Variants in KRT84 observed in about 807,000 individuals in gnomAD.
The protein encoded by KRT84 is keratin 84, also known as keratin, type II cuticular Hb4.
KRT84 carries 38 observed loss-of-function variants against 49.0 expected under a neutral mutation model. The ratio of observed to expected loss-of-function variants is 0.78; its 90% CI spans 0.60 to 1.02. The LOEUF (loss-of-function observed/expected upper bound fraction) is 1.02, where lower values mean the gene tolerates loss of function less well. KRT84 is among the 50% of genes least tolerant of loss of function. The probability of loss-of-function intolerance (pLI) is 0.00; values close to 1 mark genes in which losing one functional copy is unlikely to be tolerated. For synonymous variants in KRT84, 334 were observed against 312.8 expected, an observed-to-expected ratio of 1.07 and a Z score of -0.72; for missense variants, 860 against 788.6, an observed-to-expected ratio of 1.09 and a Z score of -1.08.
At chr12:52,383,528 G>C in intron 2 of KRT84, 62 bp downstream of exon 2, 1 of 1,434,534 alleles carries the variant, frequency 7.0e-7, no homozygotes, top group Non-Finnish European at 9.7e-7. Context: ...TCTGAGCTTG[G>C]CAGCTAATTC....
At chr12:52,386,350 GAC>G (rs1939573529), upstream of KRT84, among the ~76,000 whole-genome samples, 1 of 151,440 alleles carries the variant, frequency 6.6e-6, no homozygotes, top group African/African-American at 2.4e-5. Flanking sequence ...AGATTACAAA[GAC>G]AGTCTCTATC....
intron 7 of KRT84, 114 bp from the exon 8 acceptor site, chr12:52,380,021 C>T: frequency 1.1e-6 from 1 of 893,914 alleles, no homozygotes; most frequent in Non-Finnish European, 1.8e-6. Context: ...AGTTCTCACC[C>T]CTGGTTATAC....
chr12:52,379,757 C>G, intron 8 of KRT84, 119 bp downstream of exon 8: 2 of 799,842 alleles, frequency 2.5e-6, no homozygotes, highest in Non-Finnish European at 4.4e-6. Context: ...TCCCAGCTCC[C>G]CTGACTGTCG....
intron 1 of KRT84, among the ~76,000 whole-genome samples, chr12:52,384,320 G>A (rs1939537874): frequency 6.6e-6 from 1 of 152,198 alleles, no homozygotes; most frequent in Non-Finnish European, 1.5e-5. Flanking sequence ...TTTTAGAGAG[G>A]AAGAACCCAA....
upstream of KRT84, among the ~76,000 whole-genome samples, chr12:52,386,507 C>T (rs900615080): frequency 6.6e-6 from 1 of 151,650 alleles, no homozygotes; most frequent in Non-Finnish European, 1.5e-5. Flanking sequence ...CAGGCATCCA[C>T]CACCATGCCC....
rs2245203 is a variant in KRT84, at chr12:52,383,729, T to C, written c.616A>G (p.Ile206Val). 367,054 of 1,606,150 alleles carry C rather than the reference T, an allele frequency of 0.23. 48,370 individuals carry two copies. Among genetic ancestry groups the C allele is most frequent in the African/African-American group, 0.57 (42,577 of 74,510 alleles). ...AAGAGTGGCTCCAGATTGCTCCTGA[T>C]ACATTTCTGCTCTTGGAGGAAGCTC... The part of the protein sequence containing the change: ...KWSFLQEQKC[I>V]RSNLEPLFES... Residue 206 changes from isoleucine to valine, a missense_variant, in exon 2 of 9, where the codon ATC becomes GTC. Physicochemically the swap from Ile to Val is conservative, Grantham distance 29. Coordinates refer to ENST00000257951, the MANE Select transcript of KRT84 (RefSeq NM_033045.4).
Position 52,385,100 on chromosome 12 carries a change from C to T in KRT84, c.486G>A (p.Lys162=), listed in dbSNP as rs764814973. Reference sequence around the variant, plus strand: ...TCTTGATTTGCTCCTTCTCATCCTTCTTCACCCTCTGGGCATTGGGGTCAA... The same window carrying T: ...TCTTGATTTGCTCCTTCTCATCCTTTTTCACCCTCTGGGCATTGGGGTCAA... The part of the protein sequence containing the change: ...LEIDPNAQRV[K]KDEKEQIKTL... The change falls in exon 1 of 9, where the codon AAG becomes AAA. Residue 162 remains lysine (K), a synonymous_variant. Coordinates refer to ENST00000257951, the MANE Select transcript of KRT84 (RefSeq NM_033045.4). The T allele has an allele frequency of 6.2e-7, 1 of 1,603,814 alleles. No individual in the cohort carries two copies.
In KRT84 at chr12:52,380,586, G is replaced by A. The variant is rs1791657; in HGVS notation, c.1204-3C>T. 0.23 allele frequency: 369,080 copies of A among 1,602,512 alleles called. 48,112 individuals are homozygous for A. Among genetic ancestry groups the A allele is most frequent in the African/African-American group, 0.57 (42,762 of 74,846 alleles). ...ACTGCAGCCTCCAACTTGGCACGCTGCAGGGAAGGCAGTTTGCAGGTAGGC... is the reference window on the plus strand; with the variant it reads ...ACTGCAGCCTCCAACTTGGCACGCTACAGGGAAGGCAGTTTGCAGGTAGGC... On this transcript the variant is annotated splice_polypyrimidine_tract_variant and splice_region_variant and intron_variant, in intron 6 of 8. Coordinates refer to ENST00000257951, the MANE Select transcript of KRT84 (RefSeq NM_033045.4).
intron 8 of KRT84, among the ~76,000 whole-genome samples, 153 bp downstream of exon 8, chr12:52,379,723 T>G (rs1939446641): frequency 6.6e-6 from 1 of 152,176 alleles, no homozygotes; most frequent in Non-Finnish European, 1.5e-5. Flanking sequence ...GCTAAGAAGA[T>G]GCTCCCCATC....
Position 52,383,745 on chromosome 12 carries a change from G to C in KRT84, c.600C>G (p.Leu200=), listed in dbSNP as rs1461753746. ...NKLLETKWSF[L]QEQKCIRSNL... is the part of the protein sequence containing the mutation. ...TGCTCCTGATACATTTCTGCTCTTG[G>C]AGGAAGCTCCACTTGGTCTCTAGGA... The change falls in exon 2 of 9, where the codon CTC becomes CTG. Residue 200 remains leucine, a synonymous_variant. Transcript: ENST00000257951. 5 of 1,613,808 alleles carry C rather than the reference G, an allele frequency of 3.1e-6. No individual in the cohort carries two copies. The highest frequency in any genetic ancestry group is 4.2e-6 in the Non-Finnish European group (5 of 1,179,876).
At position 52,378,257 on chromosome 12, in the gene KRT84, A is replaced by G; in HGVS notation, c.1580T>C (p.Leu527Pro). ...ACCCAGGCTGGGGCCACAGGAAGCC[A>G]GGACCCCACTGGTGGCACAGACGCT... ...SSSVCATSGV[L>P]ASCGPSLGGA... The change falls in exon 9 of 9, where the codon CTG (leucine) becomes CCG (proline). Residue 527 changes from leucine (L) to proline (P), a missense_variant. Transcript: ENST00000257951. The G allele has an allele frequency of 6.4e-7, 1 of 1,558,312 alleles. No individual in the cohort carries two copies. Among genetic ancestry groups the G allele is most frequent in the Admixed American group, 1.9e-5 (1 of 52,810 alleles).
In KRT84 at chr12:52,381,181, C is replaced by T. The variant is rs34137381; in HGVS notation, c.1102G>A (p.Gly368Ser). The T allele has an allele frequency of 2.2e-5, 36 of 1,614,044 alleles. No homozygotes were observed. The African/African-American group carries it at 3.7e-4, about 17-fold the overall frequency. ...TKYEEMQVTA[G>S]QHCDNLRNIR... ...TTGCGCAGGTTGTCACAGTGTTGGC[C>T]AGCTGTCACCTGCATCTCTTCATAC... Residue 368 changes from glycine (G) to serine (S), a missense_variant, in exon 6 of 9, where the codon GGC (glycine) becomes AGC (serine). Coordinates refer to ENST00000257951, the MANE Select transcript of KRT84 (RefSeq NM_033045.4).
upstream of KRT84, chr12:52,385,663 G>A: frequency 1.4e-6 from 2 of 1,385,270 alleles, no homozygotes; most frequent in Non-Finnish European, 2.0e-6. Context: ...GAGGCCAGTG[G>A]AACCCTTGCA....
Position 52,378,379 on chromosome 12 carries a change from G to GGGAATGTGCTGGTGCATTGATGCTGGA in KRT84, c.1457_1458insTCCAGCATCAATGCACCAGCACATTCC (p.Ser486_Val487insProAlaSerMetHisGlnHisIlePro). On this transcript the variant is annotated inframe_insertion and splice_region_variant, in exon 9 of 9. Transcript: ENST00000257951. ...CCAGGCCGCCCCGGGAGCTGCTGAC[G>GGGAATGTGCTGGTGCATTGATGCTGGA]GCTGCGGAGAAAGAAAGCATCAGGG... The GGGAATGTGCTGGTGCATTGATGCTGGA allele has an allele frequency of 6.9e-7, 1 of 1,455,614 alleles. No homozygotes were observed. Among genetic ancestry groups the GGGAATGTGCTGGTGCATTGATGCTGGA allele is most frequent in the South Asian group, 1.4e-5 (1 of 71,928 alleles). The allele number at this position is 1,455,614 out of a possible 1,614,324, so 90.2% of individuals were successfully genotyped here.
At chr12:52,379,323 G>C (rs988360410) in intron 8 of KRT84, among the ~76,000 whole-genome samples, 1 of 152,238 alleles carries the variant, frequency 6.6e-6, no homozygotes, top group Admixed American at 6.5e-5. Context: ...TCCTTCCAGT[G>C]TTAGGTTGAT....
At position 52,382,482 on chromosome 12, in the gene KRT84, A is replaced by G. The variant is rs1198906895; in HGVS notation, c.867T>C (p.Asp289=). ...GAAAGTCAATTTCCTGAGTTAGGGTATCCACGTTGGCCTCGAGATCAGACT... is the reference window on the plus strand; with the variant it reads ...GAAAGTCAATTTCCTGAGTTAGGGTGTCCACGTTGGCCTCGAGATCAGACT... ...MNKSDLEANV[D]TLTQEIDFLK... Residue 289 remains aspartate (D), a synonymous_variant, in exon 4 of 9, where the codon GAT becomes GAC. Transcript: ENST00000257951. 3.7e-6 allele frequency: 6 copies of G among 1,614,182 alleles called. No individual in the cohort carries two copies. The East Asian group carries it at 1.3e-4, about 36-fold the overall frequency.
chr12:52,378,208 A>G lies in KRT84; in HGVS notation c.1629T>C (p.Thr543=). The G allele has an allele frequency of 6.4e-7, 1 of 1,574,702 alleles. No individual in the cohort carries two copies. Among genetic ancestry groups the G allele is most frequent in the Non-Finnish European group, 8.6e-7 (1 of 1,161,298 alleles). The change falls in exon 9 of 9, where the codon ACT becomes ACC. Residue 543 remains threonine, a synonymous_variant. Coordinates refer to ENST00000257951, the MANE Select transcript of KRT84 (RefSeq NM_033045.4). ...TTGTGCCAGTGCTCAGCAGGTCCCC[A>G]GTGGCCGGGGCGACCCGGGCTCCAC... ...SLGGARVAPA[T]GDLLSTGTRS... is the part of the protein sequence containing the mutation.
At position 52,383,780 on chromosome 12, in the gene KRT84, G is replaced by T; in HGVS notation, c.565C>A (p.Gln189Lys). 1 of 1,613,454 alleles carries T rather than the reference G, an allele frequency of 6.2e-7. No individual in the cohort carries two copies. The highest frequency in any genetic ancestry group is 8.5e-7 in the Non-Finnish European group (1 of 1,179,590). Residue 189 changes from glutamine to lysine, a missense_variant, in exon 2 of 9, where the codon CAG becomes AAG. Coordinates refer to ENST00000257951, the MANE Select transcript of KRT84 (RefSeq NM_033045.4). ...CACTTGGTCTCTAGGAGCTTATTCT[G>T]CTGCTCTAGGAACCGAACCTAAATC... ...FIDKVRFLEQ[Q>K]NKLLETKWSF...
At position 52,378,116 on chromosome 12, in the gene KRT84, C is replaced by G. The variant is rs1435490101; in HGVS notation, c.1721G>C (p.Gly574Ala). Residue 574 changes from glycine (G) to alanine (A), a missense_variant, in exon 9 of 9, where the codon GGG becomes GCG. Coordinates refer to ENST00000257951, the MANE Select transcript of KRT84 (RefSeq NM_033045.4). Reference sequence around the variant, plus strand: ...GCCGCCGCTGCAGCTGCTGAAGCCCCCCTGGGTGGGCAGGGGGCAGGGGAC... The same window carrying G: ...GCCGCCGCTGCAGCTGCTGAAGCCCGCCTGGGTGGGCAGGGGGCAGGGGAC... ...PSVPCPLPTQ[G>A]GFSSCSGGRS... 6.5e-7 allele frequency: 1 copy of G among 1,538,080 alleles called. No individual in the cohort carries two copies.
Sources: gnomAD v4.1 joint callset for allele counts (sites outside exome capture counted in the v4.1 genomes callset) on GRCh38, gnomAD v4.1.1 for gene constraint, MANE v1.5 for transcripts, NCBI Gene and HGNC (gene_info 2026-07-23, HGNC 2026-07-21) for gene names.